Variants in CSMD1 observed in about 807,000 individuals in gnomAD.
The protein encoded by CSMD1 is CUB and sushi domain-containing protein 1.
Under a neutral mutation model 417.5 loss-of-function variants are expected in CSMD1, and 213 were observed. That is an observed-to-expected ratio of 0.51 (90% CI 0.46 to 0.57). The LOEUF is 0.57. CSMD1 is among the 20% of genes least tolerant of loss of function. The pLI is 0.00. For missense variants in CSMD1, 6,923 were observed against 4,529.7 expected, an observed-to-expected ratio of 1.53 and a Z score of -15.17; for synonymous variants, 2,862 against 1,736.8, an observed-to-expected ratio of 1.65 and a Z score of -16.11.
At position 3,708,406 on chromosome 8, in the gene CSMD1, G is replaced by A. The variant is rs911008163; in HGVS notation, c.1009+8C>T. Reference sequence around the variant, plus strand: ...ATCAATCCTCAGATAGAAAGGAAAGGGACTCACAGACAGAGTTTTTATGGC... The same window carrying A: ...ATCAATCCTCAGATAGAAAGGAAAGAGACTCACAGACAGAGTTTTTATGGC... On this transcript the variant is annotated splice_region_variant and intron_variant, in intron 7 of 69. Transcript: ENST00000635120. The A allele has an allele frequency of 1.2e-6, 2 of 1,612,280 alleles. No individual in the cohort carries two copies. Among genetic ancestry groups the A allele is most frequent in the Non-Finnish European group, 1.7e-6 (2 of 1,178,512 alleles).
chr8:4,529,611 CAA>C (rs1409413626), intron 2 of CSMD1, among the ~76,000 whole-genome samples: 2 of 152,026 alleles, frequency 1.3e-5, no homozygotes, highest in Admixed American at 6.6e-5. Context: ...CCAGATTTAA[CAA>C]AGACAAAAGA....
At chr8:4,117,718 T>C (rs1272055317) in intron 3 of CSMD1, among the ~76,000 whole-genome samples, 1 of 152,126 alleles carries the variant, frequency 6.6e-6, no homozygotes, top group Non-Finnish European at 1.5e-5. Flanking sequence ...CTTCATCACA[T>C]AGCTTTTAGA....
intron 54 of CSMD1, among the ~76,000 whole-genome samples, chr8:2,992,638 G>A (rs1468846582): frequency 1.3e-5 from 2 of 152,000 alleles, no homozygotes; most frequent in Non-Finnish European, 2.9e-5. Context: ...TGTTGGTCAG[G>A]CTGGTCTCGA....
intron 2 of CSMD1, among the ~76,000 whole-genome samples, chr8:4,598,202 G>C (rs1800383863): frequency 6.6e-6 from 1 of 152,148 alleles, no homozygotes; most frequent in Admixed American, 6.6e-5. Context: ...CATAGTTGTA[G>C]GGATGAATAT....
chr8:4,822,263 G>C (rs987083020), intron 1 of CSMD1, among the ~76,000 whole-genome samples: 3 of 152,118 alleles, frequency 2.0e-5, no homozygotes, highest in Non-Finnish European at 4.4e-5. Context: ...TAGAGGATCC[G>C]ATTATGGGTC....
rs1036367140 is a variant in CSMD1 at position 3,459,736 on chromosome 8, C to T, written c.1561+8976G>A. Among the ~76,000 whole-genome samples, 10 of 152,010 alleles carry T rather than the reference C, an allele frequency of 6.6e-5. No individual in the cohort carries two copies. The East Asian group carries it at 1.4e-3, about 21-fold the overall frequency. On this transcript the variant is annotated intron_variant, in intron 12 of 69. Coordinates refer to ENST00000635120, the MANE Select transcript of CSMD1 (RefSeq NM_033225.6). The stretch of plus-strand genomic sequence containing the variant: ...GTCATCATTCAGGGACCCAAGCACT[C>T]AAGAATGAGGCTGCCGGCACATGAA...
chr8:4,760,373 G>C (rs906557584), intron 1 of CSMD1, among the ~76,000 whole-genome samples: 2 of 152,144 alleles, frequency 1.3e-5, no homozygotes, highest in African/African-American at 4.8e-5. Context: ...GGACATGTCT[G>C]CTGCACAAAT....
intron 2 of CSMD1, among the ~76,000 whole-genome samples, chr8:4,486,586 G>C (rs1250056882): frequency 6.6e-6 from 1 of 151,946 alleles, no homozygotes. Flanking sequence ...TATATAAGAA[G>C]TCCATCTTTC....
At chr8:3,877,602 A>T (rs1199786344) in intron 5 of CSMD1, among the ~76,000 whole-genome samples, 2 of 152,226 alleles carry the variant, frequency 1.3e-5, no homozygotes, top group Admixed American at 1.3e-4. Flanking sequence ...TCTAACAACC[A>T]GAATCCACAA....
At chr8:2,957,858 T>G (rs1803130953) in intron 62 of CSMD1, 51 bp from the exon 63 acceptor site, 5 of 1,228,128 alleles carry the variant, frequency 4.1e-6, no homozygotes. Flanking sequence ...ATATACGAAG[T>G]GTCAACTAGT....
chr8:4,749,842 C>T (rs1425639623), intron 1 of CSMD1, among the ~76,000 whole-genome samples: 2 of 151,900 alleles, frequency 1.3e-5, no homozygotes, highest in Admixed American at 6.6e-5. Context: ...ATTTGGAAAG[C>T]CAGGGTGTGG....
chr8:3,824,009 C>G (rs989937131), intron 5 of CSMD1, among the ~76,000 whole-genome samples: 1 of 152,078 alleles, frequency 6.6e-6, no homozygotes, highest in Non-Finnish European at 1.5e-5. Flanking sequence ...TGCTTCCAGT[C>G]TCTGTGCCTG....
chr8:3,689,455 G>C (rs574532924), intron 7 of CSMD1, among the ~76,000 whole-genome samples: 2 of 152,350 alleles, frequency 1.3e-5, no homozygotes, highest in South Asian at 2.1e-4. Context: ...ATTATGGATA[G>C]ACGTAGAAAG....
chr8:3,370,970 T>C (rs1809908744), intron 18 of CSMD1, among the ~76,000 whole-genome samples: 1 of 147,748 alleles, frequency 6.8e-6, no homozygotes, highest in African/African-American at 2.5e-5. Flanking sequence ...AGAGTCAAAC[T>C]CCATCAAAAA....
At chr8:3,097,090 C>A in intron 46 of CSMD1, 53 bp from the exon 47 acceptor site, 4 of 1,355,488 alleles carry the variant, frequency 3.0e-6, no homozygotes, top group South Asian at 3.0e-5. Flanking sequence ...ATTCCAACTG[C>A]AATAGGATAG....
chr8:3,656,052 G>A (rs982671291), intron 7 of CSMD1, among the ~76,000 whole-genome samples: 1 of 152,118 alleles, frequency 6.6e-6, no homozygotes, highest in East Asian at 1.9e-4. Flanking sequence ...AATAACATGA[G>A]ATATATTTCA....
At chr8:3,150,828 A>T (rs1461734696) in intron 40 of CSMD1, among the ~76,000 whole-genome samples, 4 of 152,310 alleles carry the variant, frequency 2.6e-5, no homozygotes, top group Non-Finnish European at 5.9e-5. Flanking sequence ...AGAGGCCAGA[A>T]AAAGGTTCTA....
intron 1 of CSMD1, among the ~76,000 whole-genome samples, chr8:4,733,094 TA>T (rs761880839): frequency 6.6e-6 from 1 of 152,158 alleles, no homozygotes; most frequent in African/African-American, 2.4e-5. Context: ...ATGCTGATAT[TA>T]AAGCAAATTA....
At position 3,838,411 on chromosome 8, in the gene CSMD1, G is replaced by GAA. The variant is rs1802846053; in HGVS notation, c.819-84370_819-84369insTT. The stretch of plus-strand genomic sequence containing the variant: ...TATATATATAGCCTATATATATAGA[G>GAA]AGAGACTATATATAGAGGGAGTGTA... On this transcript the variant is annotated intron_variant, in intron 5 of 69. Coordinates refer to ENST00000635120, the MANE Select transcript of CSMD1 (RefSeq NM_033225.6). 5.4e-5 allele frequency among the ~76,000 whole-genome samples: 8 copies of GAA among 148,470 alleles called. No homozygotes were observed. The South Asian group carries it at 8.4e-4, about 16-fold the overall frequency.
Sources: allele counts gnomAD v4.1 joint callset (sites outside exome capture counted in the v4.1 genomes callset), GRCh38; gene constraint gnomAD v4.1.1; transcripts MANE v1.5; gene names NCBI Gene and HGNC (gene_info 2026-07-23, HGNC 2026-07-21).